NDC1: variants seen among roughly 807,000 people sequenced by gnomAD.
The protein encoded by NDC1 is NDC1 transmembrane nucleoporin.
In NDC1, 24 loss-of-function variants were observed where a neutral mutation model predicts 89.8. The observed-to-expected ratio is 0.27, with a 90% confidence interval of 0.19 to 0.38. NDC1 has a LOEUF of 0.38. Ranked by LOEUF, NDC1 falls within the 10% of genes least tolerant of loss-of-function variation. The pLI is 1.00. For missense variants in NDC1, 728 were observed against 797.6 expected (o/e 0.91, Z 1.05); for synonymous variants, 296 against 284.8 (o/e 1.04, Z -0.39).
At chr1:53,813,972 A>T (rs750150482) in intron 6 of NDC1, among the ~76,000 whole-genome samples, 2 of 152,338 alleles carry the variant, frequency 1.3e-5, no homozygotes, top group Admixed American at 6.5e-5. Context: ...ACTCCAAAAG[A>T]AACCTTCAGA....
At chr1:53,774,816 A>G (rs72662307) in intron 16 of NDC1, among the ~76,000 whole-genome samples, 1 of 152,052 alleles carries the variant, frequency 6.6e-6, no homozygotes, top group Non-Finnish European at 1.5e-5. Context: ...ACTTGAGCCC[A>G]AGAGTTCAAG....
intron 2 of NDC1, among the ~76,000 whole-genome samples, chr1:53,834,749 T>A (rs907479899): frequency 3.3e-5 from 5 of 152,202 alleles, no homozygotes; most frequent in African/African-American, 1.2e-4. Context: ...TAATGGGTAG[T>A]TATTAACAGA....
rs1199211361 is a variant in NDC1, at chr1:53,838,294, G to A, written c.-33C>T. The A allele has an allele frequency of 2.6e-6, 4 of 1,509,586 alleles. No individual in the cohort carries two copies. Among genetic ancestry groups the A allele is most frequent in the South Asian group, 1.2e-5 (1 of 82,358 alleles). The allele number at this position is 1,509,586 out of a possible 1,614,324, so 93.5% of individuals were successfully genotyped here. ...GCGGCCCCTAGTCTAGGGCGTACAG[G>A]AGACCGTGCGCCCGCCCGCCACCGC... On this transcript the variant is annotated 5_prime_UTR_variant, in exon 1 of 18. Transcript: ENST00000371429.
chr1:53,799,445 C>A (rs947196208), intron 11 of NDC1, among the ~76,000 whole-genome samples: 1 of 152,204 alleles, frequency 6.6e-6, no homozygotes, highest in East Asian at 1.9e-4. Flanking sequence ...TTATTTAAAT[C>A]ATTTTTCATA....
At chr1:53,818,691 C>T (rs1439346819) in intron 6 of NDC1, among the ~76,000 whole-genome samples, 2 of 152,194 alleles carry the variant, frequency 1.3e-5, no homozygotes, top group Non-Finnish European at 2.9e-5. Flanking sequence ...TGGCTTATTT[C>T]ACTTAGCGTA....
At chr1:53,794,981 TGTG>T (rs1413970850) in intron 13 of NDC1, among the ~76,000 whole-genome samples, 1 of 152,230 alleles carries the variant, frequency 6.6e-6, no homozygotes, top group East Asian at 1.9e-4. Flanking sequence ...TGGTTTTTCT[TGTG>T]GTCTCCAATT....
intron 16 of NDC1, among the ~76,000 whole-genome samples, chr1:53,785,235 G>A (rs1570168593): frequency 1.3e-5 from 2 of 152,156 alleles, no homozygotes; most frequent in Non-Finnish European, 2.9e-5. Flanking sequence ...TACCATTATT[G>A]TTGTTTTAAC....
chr1:53,774,410 T>A (rs893827198), intron 16 of NDC1, among the ~76,000 whole-genome samples: 1 of 152,232 alleles, frequency 6.6e-6, no homozygotes, highest in Non-Finnish European at 1.5e-5. Context: ...TGTTCCATCA[T>A]AATGGAAAAG....
At chr1:53,775,561 A>C (rs1363858495) in intron 16 of NDC1, among the ~76,000 whole-genome samples, 1 of 152,140 alleles carries the variant, frequency 6.6e-6, no homozygotes, top group Non-Finnish European at 1.5e-5. Context: ...ACCTGGCTGC[A>C]AAACACTTTC....
At chr1:53,790,117 C>G (rs2100642184) in intron 14 of NDC1, among the ~76,000 whole-genome samples, 1 of 151,992 alleles carries the variant, frequency 6.6e-6, no homozygotes, top group South Asian at 2.1e-4. Flanking sequence ...GTAATCCCAG[C>G]ACTTTGGGAC....
intron 17 of NDC1, among the ~76,000 whole-genome samples, chr1:53,769,065 C>T (rs531012985): frequency 6.6e-5 from 10 of 152,312 alleles, no homozygotes; most frequent in South Asian, 6.2e-4. Context: ...GTAATCCCAA[C>T]ACTGAGAGGC....
intron 14 of NDC1, among the ~76,000 whole-genome samples, chr1:53,791,502 T>C (rs967888386): frequency 2.0e-5 from 3 of 152,070 alleles, no homozygotes; most frequent in African/African-American, 7.2e-5. Context: ...CACAATTTCA[T>C]GCTGCCTACC....
At chr1:53,801,097 A>C (rs1424893606) in intron 10 of NDC1, among the ~76,000 whole-genome samples, 2 of 151,976 alleles carry the variant, frequency 1.3e-5, no homozygotes, top group Admixed American at 6.6e-5. Flanking sequence ...ACCAAAAAAA[A>C]AAAAAAACAA....
rs1647472760 is a variant in NDC1, at chr1:53,790,825, GTTT to G, written c.1636-1632_1636-1630del. 5.3e-5 allele frequency among the ~76,000 whole-genome samples: 8 copies of G among 152,292 alleles called. No homozygotes were observed. The South Asian group carries it at 1.7e-3, about 32-fold the overall frequency. On this transcript the variant is annotated intron_variant, in intron 14 of 17. Coordinates refer to ENST00000371429, the MANE Select transcript of NDC1 (RefSeq NM_018087.5). ...ACCGCCTAACCTTCACGTAAAAAATGTTTTTATTTGCACAAATTTATGGAGTAC... is the reference window on the plus strand; with the variant it reads ...ACCGCCTAACCTTCACGTAAAAAATGTTATTTGCACAAATTTATGGAGTAC...
chr1:53,796,839 T>C, intron 12 of NDC1, 35 bp from the exon 13 acceptor site: 1 of 1,606,326 alleles, frequency 6.2e-7, no homozygotes, highest in Non-Finnish European at 8.5e-7. Flanking sequence ...GATAAGAACT[T>C]AGGCTGTCTG....
At chr1:53,810,930 G>C (rs1290384002) in intron 6 of NDC1, among the ~76,000 whole-genome samples, 1 of 152,204 alleles carries the variant, frequency 6.6e-6, no homozygotes, top group Non-Finnish European at 1.5e-5. Context: ...GGACCCGGGA[G>C]ACACCCCAAA....
rs1002368717 is a variant in NDC1 at position 53,836,322 on chromosome 1, C to T, written c.58-702G>A. 4.6e-5 allele frequency among the ~76,000 whole-genome samples: 7 copies of T among 151,702 alleles called. No individual in the cohort carries two copies. The South Asian group carries it at 1.0e-3, about 23-fold the overall frequency. On this transcript the variant is annotated intron_variant, in intron 1 of 17. Transcript: ENST00000371429. The stretch of plus-strand genomic sequence containing the variant: ...CAGCACTTTGGGAGGCCAGGGTGGG[C>T]GGATCACTTGAGGCCAGGAGTTTGA...
At chr1:53,797,348 T>C (rs1647751317) in intron 11 of NDC1, among the ~76,000 whole-genome samples, 1 of 151,488 alleles carries the variant, frequency 6.6e-6, no homozygotes, top group Admixed American at 6.6e-5. Flanking sequence ...TACATCTTCT[T>C]CTGTCAGATC....
In NDC1 at chr1:53,772,417, T is replaced by A; in HGVS notation, c.1873A>T (p.Thr625Ser). Residue 625 changes from threonine (T) to serine (S), a missense_variant, in exon 17 of 18, where the codon ACT becomes TCT. Physicochemically the swap from Thr to Ser is moderately conservative, Grantham distance 58. Coordinates refer to ENST00000371429, the MANE Select transcript of NDC1 (RefSeq NM_018087.5). ...PPRISGSLVD[T>S]SYKTLRFAFR... ...GCAAATCTTAATGTTTTATATGAAG[T>A]GTCCACAAGGCTTCCTGAAATCCGG... 1 of 1,613,922 alleles carries A rather than the reference T, an allele frequency of 6.2e-7. No homozygotes were observed. Among genetic ancestry groups the A allele is most frequent in the Non-Finnish European group, 8.5e-7 (1 of 1,179,834 alleles).
Sources: allele counts gnomAD v4.1 joint callset (sites outside exome capture counted in the v4.1 genomes callset), GRCh38; gene constraint gnomAD v4.1.1; transcripts MANE v1.5; gene names NCBI Gene and HGNC (gene_info 2026-07-23, HGNC 2026-07-21).